Variants in EPB41L4A observed in about 807,000 individuals in gnomAD.
The protein encoded by EPB41L4A is erythrocyte membrane protein band 4.1 like 4A.
Under a neutral mutation model 108.6 loss-of-function variants are expected in EPB41L4A, and 100 were observed. That is an observed-to-expected ratio of 0.92 (90% confidence interval 0.78 to 1.09). The LOEUF (loss-of-function observed/expected upper bound fraction) is 1.09. Ranked by LOEUF, EPB41L4A falls within the 50% of genes least tolerant of loss-of-function variation. The probability of loss-of-function intolerance (pLI) is 0.00; values close to 1 mark genes in which losing one functional copy is unlikely to be tolerated. For synonymous variants in EPB41L4A, 319 were observed against 289.0 expected, an observed-to-expected ratio of 1.10 and a Z score of -1.05; for missense variants, 1,030 against 842.7, an observed-to-expected ratio of 1.22 and a Z score of -2.75.
intron 15 of EPB41L4A, 31 bp downstream of exon 15, chr5:112,204,344 G>C: frequency 1.4e-6 from 2 of 1,462,566 alleles, no homozygotes; most frequent in Non-Finnish European, 1.9e-6. Flanking sequence ...TCTGTTGAAA[G>C]CTGCTAACAG....
intron 1 of EPB41L4A, among the ~76,000 whole-genome samples, chr5:112,355,007 A>G (rs951909061): frequency 5.3e-5 from 8 of 152,164 alleles, no homozygotes; most frequent in African/African-American, 1.7e-4. Flanking sequence ...AAGGGGGAAA[A>G]AAATTGAAAT....
At chr5:112,387,731 T>A (rs1421006010) in intron 1 of EPB41L4A, among the ~76,000 whole-genome samples, 1 of 152,228 alleles carries the variant, frequency 6.6e-6, no homozygotes, top group Non-Finnish European at 1.5e-5. Context: ...AGTGCAGAGT[T>A]GGGAAGTTTC....
chr5:112,309,829 C>T (rs183926358), intron 1 of EPB41L4A, among the ~76,000 whole-genome samples: 378 of 152,280 alleles, frequency 2.5e-3, no homozygotes, highest in Non-Finnish European at 3.6e-3. Flanking sequence ...TTCCACCCTT[C>T]CCTCTCACTT....
intron 1 of EPB41L4A, among the ~76,000 whole-genome samples, chr5:112,406,305 AAG>A (rs1241699053): frequency 6.6e-5 from 10 of 152,190 alleles, no homozygotes; most frequent in African/African-American, 2.4e-4. Context: ...AGGCAATAAG[AAG>A]AGTCACTGAT....
At chr5:112,331,932 A>G (rs1444690988) in intron 1 of EPB41L4A, among the ~76,000 whole-genome samples, 2 of 152,198 alleles carry the variant, frequency 1.3e-5, no homozygotes, top group Non-Finnish European at 2.9e-5. Context: ...GCGCTGTCCA[A>G]GTGACTCCCA....
chr5:112,240,787 A>C lies in EPB41L4A; in HGVS notation c.819T>G (p.Phe273Leu). Reference protein sequence around the residue: ...GKDCNETSFFFEARSKTACKH... With the variant: ...GKDCNETSFFLEARSKTACKH... Reference sequence around the variant, plus strand: ...TGCAAGCAGTTTTACTCCGAGCTTCAAAAAAGAATGAGGTTTCGTTACACT... The same window carrying C: ...TGCAAGCAGTTTTACTCCGAGCTTCCAAAAAGAATGAGGTTTCGTTACACT... The change falls in exon 10 of 23, where the codon TTT (phenylalanine) becomes TTG (leucine). Residue 273 changes from phenylalanine (F) to leucine (L), a missense_variant. Coordinates refer to ENST00000261486, the MANE Select transcript of EPB41L4A (RefSeq NM_022140.5). 3.1e-6 allele frequency: 5 copies of C among 1,591,620 alleles called. No individual in the cohort carries two copies. Among genetic ancestry groups the C allele is most frequent in the African/African-American group, 1.4e-5 (1 of 73,726 alleles).
chr5:112,207,634 AAAG>A (rs147288313), intron 13 of EPB41L4A, among the ~76,000 whole-genome samples: 8,629 of 152,280 alleles, frequency 0.057, 626 homozygotes, highest in East Asian at 0.22. Flanking sequence ...GCACTTTTCC[AAAG>A]AAGACATACA....
At chr5:112,412,350 G>C (rs930186867) in intron 1 of EPB41L4A, among the ~76,000 whole-genome samples, 1 of 152,172 alleles carries the variant, frequency 6.6e-6, no homozygotes, top group African/African-American at 2.4e-5. Flanking sequence ...AACTATTCCA[G>C]ACCTTGATGA....
intron 20 of EPB41L4A, among the ~76,000 whole-genome samples, chr5:112,169,394 ATTC>A (rs1351423250): frequency 8.5e-5 from 13 of 152,174 alleles, no homozygotes; most frequent in Admixed American, 2.0e-4. Context: ...TTACCGTGGA[ATTC>A]TTCTTAGTAG....
intron 9 of EPB41L4A, among the ~76,000 whole-genome samples, chr5:112,255,081 C>G (rs1750979823): frequency 6.6e-6 from 1 of 152,174 alleles, no homozygotes; most frequent in Admixed American, 6.5e-5. Flanking sequence ...TTTCCTTCCC[C>G]CTAAAACTCC....
At chr5:112,194,108 C>T (rs1761841306) in intron 17 of EPB41L4A, among the ~76,000 whole-genome samples, 1 of 151,910 alleles carries the variant, frequency 6.6e-6, no homozygotes, top group South Asian at 2.1e-4. Flanking sequence ...GTCAGGCACA[C>T]ACAGATGAGT....
chr5:112,307,567 T>C, intron 1 of EPB41L4A, 77 bp from the exon 2 acceptor site: 1 of 902,412 alleles, frequency 1.1e-6, no homozygotes, highest in Non-Finnish European at 1.7e-6. Flanking sequence ...GTTCTCATCT[T>C]TTATTAGTTT....
chr5:112,289,812 A>G (rs1227451113), intron 2 of EPB41L4A, among the ~76,000 whole-genome samples: 1 of 152,224 alleles, frequency 6.6e-6, no homozygotes, highest in Non-Finnish European at 1.5e-5. Flanking sequence ...AAGCCCTGCC[A>G]AAGTCGCAGA....
chr5:112,218,803 C>T (rs574759714), intron 12 of EPB41L4A, among the ~76,000 whole-genome samples: 4 of 152,182 alleles, frequency 2.6e-5, no homozygotes, highest in African/African-American at 4.8e-5. Flanking sequence ...TTTTATTTTA[C>T]GCAAGCACTC....
At chr5:112,332,098 T>C (rs1387010544) in intron 1 of EPB41L4A, among the ~76,000 whole-genome samples, 1 of 152,264 alleles carries the variant, frequency 6.6e-6, no homozygotes, top group Non-Finnish European at 1.5e-5. Flanking sequence ...AAGCAAAGGT[T>C]ATCTGGACTT....
intron 1 of EPB41L4A, among the ~76,000 whole-genome samples, chr5:112,339,537 T>C (rs5870493): frequency 4.5e-5 from 4 of 88,954 alleles, no homozygotes; most frequent in African/African-American, 1.0e-4. Flanking sequence ...TCTATATATA[T>C]ATATATTTTT....
chr5:112,366,273 G>A (rs1392030694), intron 1 of EPB41L4A, among the ~76,000 whole-genome samples: 2 of 150,534 alleles, frequency 1.3e-5, no homozygotes, highest in Non-Finnish European at 3.0e-5. Flanking sequence ...GCCCATGTTT[G>A]TAAATTGTCT....
chr5:112,277,809 T>A (rs1333503849), intron 3 of EPB41L4A, among the ~76,000 whole-genome samples: 1 of 152,200 alleles, frequency 6.6e-6, no homozygotes, highest in African/African-American at 2.4e-5. Flanking sequence ...ATTTTTTGGC[T>A]CCCTATTCTA....
intron 1 of EPB41L4A, among the ~76,000 whole-genome samples, chr5:112,353,907 G>C (rs1758211643): frequency 6.6e-6 from 1 of 152,186 alleles, no homozygotes; most frequent in African/African-American, 2.4e-5. Context: ...GGTGGCACCA[G>C]GTAATGCAGG....
Sources: gnomAD v4.1 joint callset for allele counts (sites outside exome capture counted in the v4.1 genomes callset) on GRCh38, gnomAD v4.1.1 for gene constraint, MANE v1.5 for transcripts, NCBI Gene and HGNC (gene_info 2026-07-23, HGNC 2026-07-21) for gene names.